Variants in SEPTIN9 observed in about 807,000 individuals in gnomAD.
The protein encoded by SEPTIN9 is septin-9.
In SEPTIN9, 13 loss-of-function variants were observed where a neutral mutation model predicts 56.6. That is an observed-to-expected ratio of 0.23 (90% CI 0.15 to 0.37). The LOEUF (loss-of-function observed/expected upper bound fraction) is 0.37, where lower values mean the gene tolerates loss of function less well. Ranked by LOEUF, SEPTIN9 falls within the 10% of genes least tolerant of loss-of-function variation. The pLI is 1.00. For synonymous variants in SEPTIN9, 332 were observed against 334.1 expected, an observed-to-expected ratio of 0.99 and a Z score of 0.07; for missense variants, 650 against 823.1, an observed-to-expected ratio of 0.79 and a Z score of 2.57.
intron 3 of SEPTIN9, among the ~76,000 whole-genome samples, chr17:77,418,579 G>A (rs1347851468): frequency 6.6e-6 from 1 of 152,022 alleles, no homozygotes; most frequent in Non-Finnish European, 1.5e-5. Context: ...CTGACCTCAA[G>A]TGATCTGCCC....
chr17:77,500,121 G>T lies in SEPTIN9; in HGVS notation c.*1463G>T, dbSNP rs557737230. ...ATCACCAGGTGCATCTGCAGGCACC[G>T]GGCTGGCTGCTTGCAGCCAGGAGAA... On this transcript the variant is annotated 3_prime_UTR_variant, in exon 12 of 12. Transcript: ENST00000427177. 4.3e-6 allele frequency: 1 copy of T among 233,320 alleles called. No individual in the cohort carries two copies. Among genetic ancestry groups the T allele is most frequent in the Non-Finnish European group, 8.5e-6 (1 of 118,102 alleles). The allele number at this position is 233,320 out of a possible 1,614,324, so 14.5% of individuals were successfully genotyped here.
At chr17:77,296,004 TA>T (rs1250767490) in intron 1 of SEPTIN9, among the ~76,000 whole-genome samples, 2 of 152,126 alleles carry the variant, frequency 1.3e-5, no homozygotes, top group Admixed American at 6.5e-5. Flanking sequence ...TAATTAAGGT[TA>T]AATGAAGTCA....
chr17:77,304,481 G>T (rs940437272), intron 1 of SEPTIN9, among the ~76,000 whole-genome samples: 1 of 152,218 alleles, frequency 6.6e-6, no homozygotes, highest in Non-Finnish European at 1.5e-5. Flanking sequence ...AGGCCCTGGG[G>T]TATTTAACCT....
rs1249962977 is a variant in SEPTIN9, at chr17:77,401,243, C to T, written c.77-816C>T. 2.6e-5 allele frequency among the ~76,000 whole-genome samples: 4 copies of T among 152,144 alleles called. 1 individual carries two copies. The South Asian group carries it at 6.2e-4, about 24-fold the overall frequency. On this transcript the variant is annotated intron_variant, in intron 2 of 11. Coordinates refer to ENST00000427177, the MANE Select transcript of SEPTIN9 (RefSeq NM_001113491.2). ...GATGTGATGAGCTCGGTAGGCCCGGCGCCTCGCCGGCACTGAAAGCTCCAG... is the reference window on the plus strand; with the variant it reads ...GATGTGATGAGCTCGGTAGGCCCGGTGCCTCGCCGGCACTGAAAGCTCCAG...
intron 2 of SEPTIN9, among the ~76,000 whole-genome samples, chr17:77,356,664 T>TC (rs1598245214): frequency 9.9e-5 from 8 of 80,792 alleles, no homozygotes; most frequent in East Asian, 3.6e-4. Context: ...TCTTCCTGCT[T>TC]TCCCTCCCCC....
Position 77,451,558 on chromosome 17 carries a change from C to T in SEPTIN9, c.722-30586C>T, listed in dbSNP as rs1198695241. On this transcript the variant is annotated intron_variant, in intron 3 of 11. Transcript: ENST00000427177. The surrounding 1 kb of genome is among the most constrained non-coding windows in gnomAD (Gnocchi z 4.2). ...GTCCTGCTCCTTTGTTCTTCCCAGC[C>T]TTGCACCACTGGCTCGGGGGCTCTC... is the stretch of plus-strand genomic sequence containing the variant. 1 of 985,328 alleles carries T rather than the reference C, an allele frequency of 1.0e-6. No homozygotes were observed. Among genetic ancestry groups the T allele is most frequent in the Non-Finnish European group, 1.2e-6 (1 of 829,814 alleles). The allele number at this position is 985,328 out of a possible 1,614,324, so 61.0% of individuals were successfully genotyped here. A position where few individuals can be genotyped will look rare whatever the true frequency, so the allele number is the denominator to read the frequency against.
In SEPTIN9 at chr17:77,371,324, G is replaced by A. The variant is rs958698178; in HGVS notation, c.77-30735G>A. ...TTGGTGAGGCGTGCACCCTGGCGGCGCTCCCCAGGGAACTAAATATGTTTG... is the reference window on the plus strand; with the variant it reads ...TTGGTGAGGCGTGCACCCTGGCGGCACTCCCCAGGGAACTAAATATGTTTG... On this transcript the variant is annotated intron_variant, in intron 2 of 11. Transcript: ENST00000427177. This position sits in a 1 kb window ranked among gnomAD's most constrained non-coding sequence, Gnocchi z 4.1. Among the ~76,000 whole-genome samples, 4 of 152,220 alleles carry A rather than the reference G, an allele frequency of 2.6e-5. No individual in the cohort carries two copies. The highest frequency in any genetic ancestry group is 7.2e-5 in the African/African-American group (3 of 41,438).
intron 2 of SEPTIN9, among the ~76,000 whole-genome samples, chr17:77,357,306 T>C (rs1303253952): frequency 6.6e-6 from 1 of 152,082 alleles, no homozygotes; most frequent in East Asian, 1.9e-4. Flanking sequence ...TGTTTTGGGG[T>C]CTGCTCCTGC....
intron 2 of SEPTIN9, among the ~76,000 whole-genome samples, chr17:77,316,180 G>C (rs2032696848): frequency 6.6e-6 from 1 of 152,194 alleles, no homozygotes. Context: ...TCCACCGCAG[G>C]GGCCTGGGTC....
At chr17:77,314,180 A>T (rs1179081686) in intron 2 of SEPTIN9, among the ~76,000 whole-genome samples, 33 of 142,894 alleles carry the variant, frequency 2.3e-4, no homozygotes, top group Middle Eastern at 3.6e-3. Context: ...AAAAAAAAAA[A>T]TTTTTTTTTT....
chr17:77,293,179 C>T (rs575245228), intron 1 of SEPTIN9, among the ~76,000 whole-genome samples: 12 of 151,966 alleles, frequency 7.9e-5, no homozygotes, highest in South Asian at 2.1e-4. Context: ...ATATGCCTGC[C>T]TAATTTTTTC....
At chr17:77,431,762 A>G (rs57925032) in intron 3 of SEPTIN9, among the ~76,000 whole-genome samples, 2,261 of 147,816 alleles carry the variant, frequency 0.015, 57 homozygotes, top group South Asian at 0.058. Context: ...CCCGGGAGGT[A>G]GAGGTTGCAG....
chr17:77,356,665 T>TCCCTCCC (rs2034254449), intron 2 of SEPTIN9, among the ~76,000 whole-genome samples: 1 of 52,404 alleles, frequency 1.9e-5, no homozygotes, highest in Non-Finnish European at 3.8e-5. Context: ...CTTCCTGCTT[T>TCCCTCCC]CCCTCCCCCT....
intron 3 of SEPTIN9, among the ~76,000 whole-genome samples, chr17:77,452,658 C>T (rs555287539): frequency 1.3e-3 from 198 of 152,032 alleles, no homozygotes; most frequent in Non-Finnish European, 2.5e-3. Context: ...GGTTTGGATC[C>T]CACATGAGAA....
chr17:77,484,511 G>GTGA (rs149437503), intron 4 of SEPTIN9, among the ~76,000 whole-genome samples: 58,844 of 116,172 alleles, frequency 0.51, 17,663 homozygotes, highest in African/African-American at 0.73. Flanking sequence ...TGTGGTGATG[G>GTGA]TGATGGTGGT....
At chr17:77,344,260 C>T (rs534994759) in intron 2 of SEPTIN9, among the ~76,000 whole-genome samples, 5 of 152,164 alleles carry the variant, frequency 3.3e-5, no homozygotes, top group East Asian at 1.9e-4. Context: ...GGAAGAGATG[C>T]GCAGTGTCAC....
In SEPTIN9 at chr17:77,313,534, A is replaced by G. The variant is rs958242395; in HGVS notation, c.76+6337A>G. ...GGAATGCAGCTGGCCTCAGCCTGGG[A>G]ATCCGTCTTGCTTGGGAGGCTGTAG... On this transcript the variant is annotated intron_variant, in intron 2 of 11. Transcript: ENST00000427177. The surrounding 1 kb of genome is among the most constrained non-coding windows in gnomAD (Gnocchi z 4.5). Among the ~76,000 whole-genome samples the G allele has an allele frequency of 6.6e-6, 1 of 152,100 alleles. No individual in the cohort carries two copies. Among genetic ancestry groups the G allele is most frequent in the African/African-American group, 2.4e-5 (1 of 41,404 alleles).
intron 3 of SEPTIN9, chr17:77,466,341 T>TTCCCCC (rs1235041811): frequency 2.1e-6 from 2 of 973,870 alleles, no homozygotes; most frequent in Non-Finnish European, 2.4e-6. Context: ...GCCAGGCCCC[T>TTCCCCC]TCCCCCTCCC....
Position 77,450,152 on chromosome 17 carries a change from G to A in SEPTIN9, c.722-31992G>A, listed in dbSNP as rs763940812. 2.6e-5 allele frequency among the ~76,000 whole-genome samples: 4 copies of A among 152,216 alleles called. No individual in the cohort carries two copies. Among genetic ancestry groups the A allele is most frequent in the Admixed American group, 6.5e-5 (1 of 15,290 alleles). ...CCGTGGGACCAGGAGGCCTTAGGGG[G>A]AAAGTTGGCCATGAGGAGTGGGAAG... On this transcript the variant is annotated intron_variant, in intron 3 of 11. Transcript: ENST00000427177. The surrounding 1 kb of genome is among the most constrained non-coding windows in gnomAD (Gnocchi z 6.0).
Sources: allele counts gnomAD v4.1 joint callset (sites outside exome capture counted in the v4.1 genomes callset), GRCh38; gene constraint gnomAD v4.1.1; non-coding constraint Gnocchi (gnomAD v3.1); transcripts MANE v1.5; gene names NCBI Gene and HGNC (gene_info 2026-07-23, HGNC 2026-07-21).